The following TMEM217 variants were observed in gnomAD, a reference collection of about 807,000 sequenced individuals.
TMEM217 encodes the protein transmembrane protein 217.
For synonymous variants in TMEM217, 76 were observed against 88.3 expected (o/e 0.86, Z 0.78); for missense variants, 204 against 248.8 (o/e 0.82, Z 1.21).
chr6:37,257,819 G>A, exon 1 of TMEM217: 1 of 1,369,482 alleles, frequency 7.3e-7, no homozygotes, highest in Non-Finnish European at 1.0e-6. Flanking sequence ...GACCGGCGGC[G>A]GGGAAGCGGC....
At chr6:37,218,671 G>A (rs376324772) in exon 2 of TMEM217, 14 of 1,613,982 alleles carry the variant, frequency 8.7e-6, no homozygotes, top group Non-Finnish European at 1.2e-5. Context: ...CCTCTTTAAT[G>A]TCAAAGTCAT....
chr6:37,250,661 T>C (rs2113921955), intron 1 of TMEM217, among the ~76,000 whole-genome samples: 1 of 152,374 alleles, frequency 6.6e-6, no homozygotes, highest in Middle Eastern at 3.4e-3. Context: ...GAAGTACATT[T>C]TACATCACAA....
chr6:37,224,615 G>A (rs370842274), intron 1 of TMEM217, among the ~76,000 whole-genome samples: 3 of 149,442 alleles, frequency 2.0e-5, no homozygotes, highest in Non-Finnish European at 4.5e-5. Flanking sequence ...ACAAACAAAC[G>A]AAAAAAAAAC....
At chr6:37,216,013 G>A (rs1167380854), downstream of TMEM217, among the ~76,000 whole-genome samples, 7 of 150,476 alleles carry the variant, frequency 4.7e-5, no homozygotes. Context: ...GTGTGTGTGT[G>A]TGTGTGTGTG....
chr6:37,223,463 C>T (rs1763652554), intron 1 of TMEM217, among the ~76,000 whole-genome samples: 1 of 152,146 alleles, frequency 6.6e-6, no homozygotes, highest in South Asian at 2.1e-4. Context: ...CAAAGCAAAA[C>T]AAACAAATAG....
At chr6:37,219,149 A>T (rs907191338) in intron 1 of TMEM217, 108 bp from the exon 2 acceptor site, 7 of 999,432 alleles carry the variant, frequency 7.0e-6, no homozygotes, top group African/African-American at 1.6e-5. Flanking sequence ...TATAGACAGA[A>T]ATACGAAAAC....
chr6:37,254,486 A>G (rs1354011139), intron 1 of TMEM217, among the ~76,000 whole-genome samples: 1 of 152,206 alleles, frequency 6.6e-6, no homozygotes, highest in Non-Finnish European at 1.5e-5. Flanking sequence ...GCTGCAAAAG[A>G]GTTTGAAGAA....
intron 1 of TMEM217, among the ~76,000 whole-genome samples, chr6:37,236,279 T>G (rs933555872): frequency 2.6e-5 from 4 of 152,208 alleles, no homozygotes; most frequent in Admixed American, 1.3e-4. Context: ...TGAGCCACTG[T>G]GCCTGGCCAT....
At chr6:37,231,688 A>T (rs1764213530) in intron 1 of TMEM217, among the ~76,000 whole-genome samples, 1 of 148,006 alleles carries the variant, frequency 6.8e-6, no homozygotes, top group African/African-American at 2.5e-5. Flanking sequence ...AAAAAAAAAA[A>T]ATTCAACAGA....
At chr6:37,218,616 G>T in exon 2 of TMEM217, 1 of 1,614,188 alleles carries the variant, frequency 6.2e-7, no homozygotes, top group Middle Eastern at 1.6e-4. Flanking sequence ...CAGAAACAGT[G>T]CATGACTGTA....
At chr6:37,235,689 A>G (rs975424318) in intron 1 of TMEM217, among the ~76,000 whole-genome samples, 1 of 152,118 alleles carries the variant, frequency 6.6e-6, no homozygotes, top group Non-Finnish European at 1.5e-5. Flanking sequence ...ATGGTTCTGG[A>G]GGCTGGAAAG....
chr6:37,218,198 C>G, exon 2 of TMEM217: 1 of 1,217,952 alleles, frequency 8.2e-7, no homozygotes, highest in South Asian at 2.3e-5. Flanking sequence ...GGGACAGAGT[C>G]TTACTCTGTC....
At chr6:37,227,486 A>G (rs1342553291) in intron 1 of TMEM217, among the ~76,000 whole-genome samples, 1 of 152,024 alleles carries the variant, frequency 6.6e-6, no homozygotes, top group Non-Finnish European at 1.5e-5. Context: ...TCGCTCTGTC[A>G]CCCAGGCTGG....
At chr6:37,224,437 A>G (rs368066193) in intron 1 of TMEM217, among the ~76,000 whole-genome samples, 1 of 151,280 alleles carries the variant, frequency 6.6e-6, no homozygotes, top group Non-Finnish European at 1.5e-5. Flanking sequence ...TCTCTACTAA[A>G]AATACAAAAA....
chr6:37,220,142 G>A (rs755747911), intron 1 of TMEM217, among the ~76,000 whole-genome samples: 2 of 152,200 alleles, frequency 1.3e-5, no homozygotes, highest in Non-Finnish European at 2.9e-5. Context: ...AAATAAAGTA[G>A]AGGGATTTCT....
intron 1 of TMEM217, among the ~76,000 whole-genome samples, chr6:37,242,478 G>T (rs191385823): frequency 6.6e-6 from 1 of 152,300 alleles, no homozygotes; most frequent in African/African-American, 2.4e-5. Context: ...TTAACTCTCT[G>T]AGTGGGGAAG....
At chr6:37,227,041 C>A (rs79841259) in intron 1 of TMEM217, among the ~76,000 whole-genome samples, 85 of 152,286 alleles carry the variant, frequency 5.6e-4, no homozygotes, top group African/African-American at 1.9e-3. Context: ...TTTGCCCAGG[C>A]CTGTATATCT....
At chr6:37,222,548 T>C (rs1763589748) in intron 1 of TMEM217, among the ~76,000 whole-genome samples, 1 of 152,202 alleles carries the variant, frequency 6.6e-6, no homozygotes, top group Non-Finnish European at 1.5e-5. Context: ...TACTTGTCCC[T>C]GGCTCCTGCC....
chr6:37,218,818 C>T (rs1763366367), exon 2 of TMEM217: 4 of 1,614,172 alleles, frequency 2.5e-6, no homozygotes, highest in East Asian at 2.2e-5. Context: ...TGATGAAAGA[C>T]AGGAAGAGGA....
Sources: gnomAD v4.1 joint callset for allele counts (sites outside exome capture counted in the v4.1 genomes callset) on GRCh38, gnomAD v4.1.1 for gene constraint, MANE v1.5 for transcripts, NCBI Gene and HGNC (gene_info 2026-07-23, HGNC 2026-07-21) for gene names.